The following PCCA variants were observed in gnomAD, a reference collection of about 807,000 sequenced individuals.
The protein encoded by PCCA is propionyl-CoA carboxylase alpha chain, mitochondrial.
Under a neutral mutation model 101.3 loss-of-function variants are expected in PCCA, and 74 were observed. The ratio of observed to expected loss-of-function variants is 0.73; its 90% CI spans 0.61 to 0.89. The LOEUF (loss-of-function observed/expected upper bound fraction) is 0.89. Ranked by LOEUF, PCCA falls within the 40% of genes least tolerant of loss-of-function variation. PCCA has a pLI of 0.00. For synonymous variants in PCCA, 294 were observed against 313.6 expected, an observed-to-expected ratio of 0.94 and a Z score of 0.66; for missense variants, 891 against 907.0, an observed-to-expected ratio of 0.98 and a Z score of 0.23.
intron 6 of PCCA, among the ~76,000 whole-genome samples, chr13:100,159,679 C>T (rs2054253568): frequency 1.3e-5 from 2 of 152,204 alleles, no homozygotes; most frequent in South Asian, 4.1e-4. Flanking sequence ...TCCTTTCTTT[C>T]ACACGAGTTT....
chr13:100,413,061 A>C (rs2078150032), intron 19 of PCCA, among the ~76,000 whole-genome samples: 1 of 152,232 alleles, frequency 6.6e-6, no homozygotes, highest in Non-Finnish European at 1.5e-5. Context: ...TAAAAAACAG[A>C]ATGCAAACCT....
intron 21 of PCCA, among the ~76,000 whole-genome samples, chr13:100,467,901 A>G (rs998618907): frequency 2.0e-5 from 3 of 152,182 alleles, no homozygotes; most frequent in Non-Finnish European, 4.4e-5. Context: ...AAGGTTTTCA[A>G]TTTACTTTGC....
chr13:100,474,440 T>TTCTC (rs58811683), intron 21 of PCCA, among the ~76,000 whole-genome samples: 2,717 of 144,274 alleles, frequency 0.019, 84 homozygotes, highest in African/African-American at 0.066. Context: ...TATTTACTGT[T>TTCTC]TCTCTCTCTC....
At chr13:100,418,558 A>G (rs940375677) in intron 19 of PCCA, among the ~76,000 whole-genome samples, 5 of 152,172 alleles carry the variant, frequency 3.3e-5, no homozygotes, top group Non-Finnish European at 5.9e-5. Context: ...TGATCTTTCA[A>G]AAATGGACAG....
intron 7 of PCCA, among the ~76,000 whole-genome samples, chr13:100,217,651 A>G (rs9300594): frequency 0.32 from 47,494 of 150,640 alleles, 8,274 homozygotes; most frequent in East Asian, 0.7. Context: ...TCAGGAGTTC[A>G]AGACCAGCCT....
chr13:100,179,265 T>C (rs2056553354), intron 6 of PCCA, among the ~76,000 whole-genome samples: 1 of 152,058 alleles, frequency 6.6e-6, no homozygotes, highest in African/African-American at 2.4e-5. Context: ...CGAATAATAT[T>C]AACACAAATG....
intron 6 of PCCA, among the ~76,000 whole-genome samples, chr13:100,194,283 C>T (rs747008974): frequency 4.6e-5 from 7 of 151,874 alleles, no homozygotes; most frequent in African/African-American, 1.2e-4. Flanking sequence ...TCAGAAAACA[C>T]GAGGTTAAGC....
intron 5 of PCCA, among the ~76,000 whole-genome samples, chr13:100,156,049 A>G (rs904828904): frequency 5.3e-5 from 8 of 152,176 alleles, no homozygotes; most frequent in African/African-American, 1.9e-4. Context: ...CCATGCTCAT[A>G]AAGCTTAGTT....
At chr13:100,433,325 C>A (rs1422590908) in intron 20 of PCCA, among the ~76,000 whole-genome samples, 1 of 152,062 alleles carries the variant, frequency 6.6e-6, no homozygotes, top group Non-Finnish European at 1.5e-5. Context: ...AATAGCCATC[C>A]TATTGGGGGT....
At chr13:100,420,594 T>G (rs112355837) in intron 19 of PCCA, among the ~76,000 whole-genome samples, 43 of 152,114 alleles carry the variant, frequency 2.8e-4, no homozygotes, top group Admixed American at 7.9e-4. Context: ...AACAAAGACA[T>G]TAACCATCTA....
intron 15 of PCCA, among the ~76,000 whole-genome samples, chr13:100,307,799 C>G (rs1235172742): frequency 6.6e-6 from 1 of 152,016 alleles, no homozygotes. Flanking sequence ...ATCTTTAAAC[C>G]CTTAAAACCG....
At chr13:100,289,123 A>G (rs1459810486) in intron 12 of PCCA, among the ~76,000 whole-genome samples, 2 of 152,178 alleles carry the variant, frequency 1.3e-5, no homozygotes, top group Non-Finnish European at 2.9e-5. Flanking sequence ...AATTTGATGT[A>G]TGTGGGTTTA....
At chr13:100,139,674 A>G (rs2152341612) in intron 4 of PCCA, among the ~76,000 whole-genome samples, 1 of 152,044 alleles carries the variant, frequency 6.6e-6, no homozygotes, top group African/African-American at 2.4e-5. Context: ...TTTAATAATA[A>G]CTTCCTTAAA....
intron 19 of PCCA, among the ~76,000 whole-genome samples, chr13:100,413,070 C>G (rs2078150551): frequency 6.6e-6 from 1 of 152,062 alleles, no homozygotes; most frequent in Non-Finnish European, 1.5e-5. Flanking sequence ...GAATGCAAAC[C>G]TGCTGGAAAA....
At chr13:100,379,289 T>G (rs2152826369) in intron 19 of PCCA, among the ~76,000 whole-genome samples, 1 of 152,208 alleles carries the variant, frequency 6.6e-6, no homozygotes, top group African/African-American at 2.4e-5. Flanking sequence ...GGGACAAGGA[T>G]GCCACATGGG....
intron 21 of PCCA, among the ~76,000 whole-genome samples, chr13:100,450,117 G>C (rs1319635443): frequency 6.6e-6 from 1 of 152,198 alleles, no homozygotes; most frequent in Non-Finnish European, 1.5e-5. Flanking sequence ...TGGTGCGGCA[G>C]CTCACGCCTG....
At chr13:100,172,656 C>G (rs1283611936) in intron 6 of PCCA, among the ~76,000 whole-genome samples, 1 of 152,144 alleles carries the variant, frequency 6.6e-6, no homozygotes, top group African/African-American at 2.4e-5. Context: ...AATAAGAGTA[C>G]AAGCAAACAA....
intron 7 of PCCA, among the ~76,000 whole-genome samples, chr13:100,220,813 C>G (rs1037153425): frequency 2.0e-5 from 3 of 152,184 alleles, no homozygotes; most frequent in Admixed American, 2.0e-4. Flanking sequence ...TAGTCTGAGC[C>G]AAACTCATGG....
chr13:100,524,912 A>G (rs777560867), intron 22 of PCCA, among the ~76,000 whole-genome samples: 2 of 151,970 alleles, frequency 1.3e-5, no homozygotes, highest in Non-Finnish European at 2.9e-5. Context: ...ATTAGATTAC[A>G]TAAGATAGAT....
Sources: allele counts gnomAD v4.1 joint callset (sites outside exome capture counted in the v4.1 genomes callset), GRCh38; gene constraint gnomAD v4.1.1; transcripts MANE v1.5; gene names NCBI Gene and HGNC (gene_info 2026-07-23, HGNC 2026-07-21).